Variants in CSMD1 observed in about 807,000 individuals in gnomAD.
CSMD1 encodes CUB and Sushi multiple domains 1.
Under a neutral mutation model 417.5 loss-of-function variants are expected in CSMD1, and 213 were observed. The ratio of observed to expected loss-of-function variants is 0.51; its 90% CI spans 0.46 to 0.57. The LOEUF (loss-of-function observed/expected upper bound fraction) is 0.57, where lower values mean the gene tolerates loss of function less well. Among genes scored for constraint, CSMD1 ranks in the 20% least tolerant of loss-of-function variants. The pLI is 0.00. For missense variants in CSMD1, 6,923 were observed against 4,529.7 expected (o/e 1.53, Z -15.17); for synonymous variants, 2,862 against 1,736.8 (o/e 1.65, Z -16.11).
chr8:3,932,586 G>C (rs1300159918), intron 5 of CSMD1, among the ~76,000 whole-genome samples: 1 of 150,616 alleles, frequency 6.6e-6, no homozygotes, highest in Middle Eastern at 3.4e-3. Context: ...ACTGTGGCTA[G>C]TTAAAAATCC....
At chr8:3,844,769 G>C (rs928855480) in intron 5 of CSMD1, among the ~76,000 whole-genome samples, 2 of 152,126 alleles carry the variant, frequency 1.3e-5, no homozygotes, top group Non-Finnish European at 2.9e-5. Flanking sequence ...CAGAACTTAT[G>C]AGCGAAACAT....
chr8:3,395,718 G>A (rs564041868), intron 17 of CSMD1, among the ~76,000 whole-genome samples: 3 of 152,074 alleles, frequency 2.0e-5, no homozygotes, highest in East Asian at 1.9e-4. Context: ...TAATTCCTTC[G>A]CCTCTTGTTA....
At chr8:3,210,565 T>A in intron 30 of CSMD1, among the ~76,000 whole-genome samples, 1 of 148,552 alleles carries the variant, frequency 6.7e-6, no homozygotes. Context: ...ATATGTATAA[T>A]TCCTATACAT....
intron 3 of CSMD1, among the ~76,000 whole-genome samples, chr8:4,131,332 A>G (rs918231833): frequency 8.5e-5 from 13 of 152,176 alleles, no homozygotes; most frequent in African/African-American, 2.9e-4. Flanking sequence ...CTGTGCTTTC[A>G]TCTTCCACTT....
chr8:3,952,332 T>A (rs371968323), intron 5 of CSMD1, among the ~76,000 whole-genome samples: 14 of 152,326 alleles, frequency 9.2e-5, no homozygotes, highest in East Asian at 5.8e-4. Flanking sequence ...CAGAAGCCAA[T>A]AGAATAATTC....
intron 5 of CSMD1, among the ~76,000 whole-genome samples, chr8:3,821,783 A>G (rs1801751240): frequency 6.6e-6 from 1 of 152,240 alleles, no homozygotes; most frequent in East Asian, 1.9e-4. Flanking sequence ...CTCTGTCTCA[A>G]AAAAACAAAC....
chr8:4,214,463 A>G (rs184549042), intron 3 of CSMD1, among the ~76,000 whole-genome samples: 34 of 152,098 alleles, frequency 2.2e-4, no homozygotes, highest in Admixed American at 1.4e-3. Context: ...ACACTTGGCT[A>G]ATGTTTGTAT....
Position 3,574,543 on chromosome 8 carries a change from G to T in CSMD1, c.1344+402C>A, listed in dbSNP as rs144639167. On this transcript the variant is annotated intron_variant, in intron 10 of 69. Coordinates refer to ENST00000635120, the MANE Select transcript of CSMD1 (RefSeq NM_033225.6). ...ATTACAGGCTTGAGCGACTGAGCCCGGCCAAAAGACAGTATTTTTGTGTCT... is the reference window on the plus strand; with the variant it reads ...ATTACAGGCTTGAGCGACTGAGCCCTGCCAAAAGACAGTATTTTTGTGTCT... Among the ~76,000 whole-genome samples, 432 of 152,226 alleles carry T rather than the reference G, an allele frequency of 2.8e-3. 4 individuals carry two copies. Among genetic ancestry groups the T allele is most frequent in the African/African-American group, 0.01 (417 of 41,546 alleles).
chr8:3,162,186 G>T lies in CSMD1; in HGVS notation c.5817C>A (p.Phe1939Leu). The change falls in exon 38 of 70, where the codon TTC becomes TTA. Residue 1939 changes from phenylalanine to leucine, a missense_variant. Transcript: ENST00000635120. ...GCAGGGTGTACCCGGGCTCGCACTG[G>T]AAGGAGAGCACGTCGTTCACCATGT... ...DRYMVNDVLS[F>L]QCEPGYTLQG... 3.1e-6 allele frequency: 5 copies of T among 1,609,148 alleles called. No individual in the cohort carries two copies. Among genetic ancestry groups the T allele is most frequent in the Non-Finnish European group, 4.2e-6 (5 of 1,177,606 alleles).
At chr8:4,160,254 TA>T (rs1236954014) in intron 3 of CSMD1, among the ~76,000 whole-genome samples, 9 of 152,228 alleles carry the variant, frequency 5.9e-5, no homozygotes, top group Middle Eastern at 6.8e-3. Context: ...TATCATAAAG[TA>T]ACACAAAACA....
intron 2 of CSMD1, among the ~76,000 whole-genome samples, chr8:4,572,737 G>A (rs191532861): frequency 1.7e-4 from 26 of 152,148 alleles, no homozygotes; most frequent in Admixed American, 2.6e-4. Context: ...CATTCTCCCC[G>A]TCACTTTCAG....
At chr8:4,111,058 C>A (rs1248303054) in intron 3 of CSMD1, among the ~76,000 whole-genome samples, 1 of 152,090 alleles carries the variant, frequency 6.6e-6, no homozygotes, top group Non-Finnish European at 1.5e-5. Flanking sequence ...AAACCTTGCA[C>A]CGCATGGAAA....
chr8:3,999,682 G>C (rs1050199418), intron 4 of CSMD1, among the ~76,000 whole-genome samples: 2 of 152,148 alleles, frequency 1.3e-5, no homozygotes, highest in African/African-American at 4.8e-5. Flanking sequence ...TACACACTAG[G>C]CATTCTCATG....
intron 22 of CSMD1, among the ~76,000 whole-genome samples, chr8:3,343,922 T>G (rs1807820344): frequency 6.6e-6 from 1 of 152,190 alleles, no homozygotes; most frequent in African/African-American, 2.4e-5. Context: ...CAACAAGATG[T>G]GCCGGAATCT....
At chr8:4,895,284 A>G (rs1386054437) in intron 1 of CSMD1, among the ~76,000 whole-genome samples, 1 of 152,124 alleles carries the variant, frequency 6.6e-6, no homozygotes, top group East Asian at 1.9e-4. Flanking sequence ...ACGATTATGA[A>G]AATGGTAAGT....
chr8:4,697,403 C>G (rs1406421584), intron 1 of CSMD1, among the ~76,000 whole-genome samples: 2 of 152,036 alleles, frequency 1.3e-5, no homozygotes, highest in African/African-American at 4.8e-5. Context: ...TACATGCTAG[C>G]AAATTAGTGT....
intron 40 of CSMD1, among the ~76,000 whole-genome samples, chr8:3,145,255 G>C (rs1331790462): frequency 6.6e-6 from 1 of 152,170 alleles, no homozygotes; most frequent in Non-Finnish European, 1.5e-5. Context: ...CAGAGTACCA[G>C]ACAGAAGGAA....
At chr8:3,381,656 A>G (rs1810634520) in intron 18 of CSMD1, among the ~76,000 whole-genome samples, 1 of 152,186 alleles carries the variant, frequency 6.6e-6, no homozygotes, top group African/African-American at 2.4e-5. Context: ...TTCTGACACT[A>G]AAAATTATAC....
At chr8:4,835,935 G>A (rs896936393) in intron 1 of CSMD1, among the ~76,000 whole-genome samples, 1 of 151,882 alleles carries the variant, frequency 6.6e-6, no homozygotes, top group Non-Finnish European at 1.5e-5. Context: ...GTACAAAGGA[G>A]GGAAATTTAA....
Sources: allele counts gnomAD v4.1 joint callset (sites outside exome capture counted in the v4.1 genomes callset), GRCh38; gene constraint gnomAD v4.1.1; transcripts MANE v1.5; gene names NCBI Gene and HGNC (gene_info 2026-07-23, HGNC 2026-07-21).